The following CPLANE1 variants were observed in gnomAD, a reference collection of about 807,000 sequenced individuals.
CPLANE1 encodes ciliogenesis and planar polarity effector 1.
In CPLANE1, 263 loss-of-function variants were observed where a neutral mutation model predicts 362.5. That is an observed-to-expected ratio of 0.73 (90% CI 0.66 to 0.80). The LOEUF (loss-of-function observed/expected upper bound fraction) is 0.80. CPLANE1 is among the 30% of genes least tolerant of loss of function. The pLI is 0.00. For synonymous variants in CPLANE1, 1,212 were observed against 1,302.6 expected (o/e 0.93, Z 1.50); for missense variants, 3,461 against 3,793.4 (o/e 0.91, Z 2.30).
Position 37,180,068 on chromosome 5 carries a change from C to A in CPLANE1, c.5686G>T (p.Val1896Leu). ...FIDIDENLLE[V>L]EAFTEEEMDM... Reference sequence around the variant, plus strand: ...ATTTCCTCTTCTGTAAATGCTTCTACTTCTAAAAGATTCTCATCAATATCT... The same window carrying A: ...ATTTCCTCTTCTGTAAATGCTTCTAATTCTAAAAGATTCTCATCAATATCT... Residue 1896 changes from valine to leucine, a missense_variant, in exon 28 of 53, where the codon GTA (valine) becomes TTA (leucine). Transcript: ENST00000651892. The A allele has an allele frequency of 6.4e-7, 1 of 1,572,410 alleles. No homozygotes were observed. The highest frequency in any genetic ancestry group is 8.6e-7 in the Non-Finnish European group (1 of 1,157,420).
chr5:37,151,459 G>A (rs989687390), intron 42 of CPLANE1, among the ~76,000 whole-genome samples: 1 of 152,128 alleles, frequency 6.6e-6, no homozygotes, highest in Non-Finnish European at 1.5e-5. Flanking sequence ...CTTGAGAGTA[G>A]GTACTATGCC....
In CPLANE1 at chr5:37,227,593, A is replaced by G; in HGVS notation, c.1346T>C (p.Ile449Thr). 1 of 1,551,156 alleles carries G rather than the reference A, an allele frequency of 6.4e-7. No homozygotes were observed. Among genetic ancestry groups the G allele is most frequent in the Non-Finnish European group, 8.7e-7 (1 of 1,146,786 alleles). ...CTTAGACAATATCACACTTTGATAT[A>G]TTTTCTCAAGCCTCTGGGTTGAATC... Reference protein sequence around the residue: ...LLDSTQRLEKIYQSVILSKPK... With the variant: ...LLDSTQRLEKTYQSVILSKPK... The change falls in exon 10 of 53, where the codon ATA becomes ACA. Residue 449 changes from isoleucine to threonine, a missense_variant. By Grantham distance (89) the Ile-to-Thr change is moderately conservative. Coordinates refer to ENST00000651892, the MANE Select transcript of CPLANE1 (RefSeq NM_001384732.1).
At chr5:37,148,338 T>C (rs1040501989) in intron 42 of CPLANE1, 70 bp from the exon 43 acceptor site, 9 of 1,195,036 alleles carry the variant, frequency 7.5e-6, no homozygotes, top group Admixed American at 6.2e-5. Flanking sequence ...AACAGTTTTA[T>C]GTAAGTTTTA....
chr5:37,076,740 ATTTCT>A, the CPLANE1 span, among the ~76,000 whole-genome samples: 9 of 151,214 alleles, frequency 6.0e-5, no homozygotes, highest in Admixed American at 2.0e-4. Context: ...TTTAAAAACC[ATTTCT>A]TTTATTTCTT....
At chr5:37,235,567 C>CTTTTTTTTTTTTTTT (rs546612161) in intron 8 of CPLANE1, among the ~76,000 whole-genome samples, 3 of 93,362 alleles carry the variant, frequency 3.2e-5, no homozygotes, top group Non-Finnish European at 5.9e-5. Context: ...TATCTAATTT[C>CTTTTTTTTTTTTTTT]TTTTTTTTTT....
Position 37,143,939 on chromosome 5 carries a change from A to G in CPLANE1, c.8462-1459T>C, listed in dbSNP as rs948822102. 1.8e-4 allele frequency among the ~76,000 whole-genome samples: 27 copies of G among 149,570 alleles called. 1 individual carries two copies. The highest frequency in any genetic ancestry group is 6.4e-4 in the African/African-American group (26 of 40,676). ...AACAAGAGCAAAACTCTGTCTCGAA[A>G]AAAAAAAAAAAAAGATATAAGGAAC... On this transcript the variant is annotated intron_variant, in intron 43 of 52. Transcript: ENST00000651892.
At chr5:37,158,446 AAT>A in intron 38 of CPLANE1, 101 bp from the exon 39 acceptor site, 1 of 1,151,160 alleles carries the variant, frequency 8.7e-7, no homozygotes. Flanking sequence ...AAACAACATA[AAT>A]TGTACTTCTT....
In CPLANE1 at chr5:37,183,629, T is replaced by C. The variant is rs777297584; in HGVS notation, c.4552A>G (p.Lys1518Glu). 3.1e-6 allele frequency: 5 copies of C among 1,612,344 alleles called. No individual in the cohort carries two copies. Among genetic ancestry groups the C allele is most frequent in the Non-Finnish European group, 4.2e-6 (5 of 1,179,480 alleles). Reference sequence around the variant, plus strand: ...TCTTCTTTCTTTGTAGGATTTTCTTTCTGATTACACATTTTCCTTTTATCA... The same window carrying C: ...TCTTCTTTCTTTGTAGGATTTTCTTCCTGATTACACATTTTCCTTTTATCA... ...PTDKRKMCNQKENPTKKEDHE... is the reference protein window; with the variant it reads ...PTDKRKMCNQEENPTKKEDHE... Residue 1518 changes from lysine (K) to glutamate (E), a missense_variant, in exon 26 of 53, where the codon AAA becomes GAA. This residue lies in a region of CPLANE1 where 3,380 missense variants were observed against 3,666.1 expected (regional missense o/e 0.92). Coordinates refer to ENST00000651892, the MANE Select transcript of CPLANE1 (RefSeq NM_001384732.1).
At chr5:37,166,956 A>G in intron 35 of CPLANE1, 91 bp downstream of exon 35, 1 of 1,024,892 alleles carries the variant, frequency 9.8e-7, no homozygotes, top group South Asian at 1.4e-5. Context: ...TGTATAGCCT[A>G]GGAGACTGAA....
At chr5:37,185,139 G>C (rs557010119) in intron 24 of CPLANE1, 60 bp from the exon 25 acceptor site, 2 of 1,493,866 alleles carry the variant, frequency 1.3e-6, no homozygotes, top group African/African-American at 2.8e-5. Flanking sequence ...TCAAGACATA[G>C]GAGACCCAAC....
At chr5:37,134,199 G>C (rs1046759504) in intron 46 of CPLANE1, among the ~76,000 whole-genome samples, 1 of 152,150 alleles carries the variant, frequency 6.6e-6, no homozygotes, top group African/African-American at 2.4e-5. Context: ...TTTTAAAAGA[G>C]TTTCAGTAGA....
chr5:37,240,729 A>T (rs1800209333), intron 6 of CPLANE1, among the ~76,000 whole-genome samples: 1 of 152,184 alleles, frequency 6.6e-6, no homozygotes. Flanking sequence ...TCCAAACTAT[A>T]TCAGAGACCT....
At chr5:37,229,216 CAA>C (rs35861833) in intron 9 of CPLANE1, among the ~76,000 whole-genome samples, 111 of 90,818 alleles carry the variant, frequency 1.2e-3, no homozygotes, top group African/African-American at 3.4e-3. Flanking sequence ...GACTCGGTCT[CAA>C]AAAAAAAAAA....
chr5:37,088,179 T>C, the CPLANE1 span, among the ~76,000 whole-genome samples: 1 of 152,058 alleles, frequency 6.6e-6, no homozygotes, highest in Non-Finnish European at 1.5e-5. Flanking sequence ...ATTTGTTGAG[T>C]TTATCAATCG....
chr5:37,190,043 A>G (rs1785083324), intron 21 of CPLANE1, among the ~76,000 whole-genome samples: 1 of 152,088 alleles, frequency 6.6e-6, no homozygotes, highest in Non-Finnish European at 1.5e-5. Context: ...GCACACAGTA[A>G]GAGTAAAGGT....
chr5:37,216,415 G>A (rs962333121), intron 15 of CPLANE1, among the ~76,000 whole-genome samples: 5 of 152,126 alleles, frequency 3.3e-5, no homozygotes, highest in African/African-American at 1.2e-4. Context: ...CAGGTGTGGT[G>A]GCATGTGCCT....
intron 21 of CPLANE1, among the ~76,000 whole-genome samples, chr5:37,195,280 A>G (rs1787019218): frequency 6.6e-6 from 1 of 152,180 alleles, no homozygotes; most frequent in African/African-American, 2.4e-5. Flanking sequence ...TTGTTAGGCA[A>G]ATAACTGGAC....
chr5:37,178,444 T>TG (rs1781797192), intron 29 of CPLANE1, among the ~76,000 whole-genome samples: 1 of 140,940 alleles, frequency 7.1e-6, no homozygotes, highest in African/African-American at 2.6e-5. Flanking sequence ...CAAAAAAATG[T>TG]TTTTTTTTTT....
the CPLANE1 span, among the ~76,000 whole-genome samples, chr5:37,099,288 T>C: frequency 6.6e-6 from 1 of 152,280 alleles, no homozygotes; most frequent in East Asian, 1.9e-4. Flanking sequence ...TCTTTCTCCC[T>C]ACCCTCCTGA....
Sources: gnomAD v4.1 joint callset for allele counts (sites outside exome capture counted in the v4.1 genomes callset) on GRCh38, gnomAD v4.1.1 for gene constraint, gnomAD v4.1.1 regional missense constraint, MANE v1.5 for transcripts, NCBI Gene and HGNC (gene_info 2026-07-23, HGNC 2026-07-21) for gene names.